Variants in MCTP2 observed in about 807,000 individuals in gnomAD.
MCTP2 encodes the protein multiple C2 and transmembrane domain-containing protein 2.
A neutral mutation model predicts 111.6 loss-of-function variants in MCTP2; 132 were observed. The observed-to-expected ratio is 1.18, with a 90% CI of 1.03 to 1.37. The LOEUF is 1.37. Ranked by LOEUF, MCTP2 falls within the 40% of genes most tolerant of loss-of-function variation. The pLI, the probability that MCTP2 is intolerant of heterozygous loss-of-function variation, is 0.00. For missense variants in MCTP2, 1,183 were observed against 1,067.9 expected, an observed-to-expected ratio of 1.11 and a Z score of -1.50; for synonymous variants, 395 against 387.7, an observed-to-expected ratio of 1.02 and a Z score of -0.22.
rs117992995 is a variant in MCTP2 at position 94,458,258 on chromosome 15, A to G, written c.2360+12A>G. On this transcript the variant is annotated intron_variant, in intron 20 of 22. Transcript: ENST00000357742. ...GAAAGGATTAAGAAGTAAGTTCTAA[A>G]TTTGTGTTGTGGTGTTTGCAGTAGA... 19,118 of 1,535,070 alleles carry G rather than the reference A, an allele frequency of 0.012. 142 individuals are homozygous for G. The highest frequency in any genetic ancestry group is 0.019 in the Middle Eastern group (111 of 5,906).
Position 94,320,342 on chromosome 15 carries a change from C to T in MCTP2, c.637+4705C>T, listed in dbSNP as rs571756703. The stretch of plus-strand genomic sequence containing the variant: ...ATTTTTAGTAGAGACAGGGTTTCAC[C>T]GTGTTAGCCAGGATGGTCTCGATCT... On this transcript the variant is annotated intron_variant, in intron 4 of 22. Coordinates refer to ENST00000357742, the MANE Select transcript of MCTP2 (RefSeq NM_001385001.1). 6.6e-5 allele frequency among the ~76,000 whole-genome samples: 10 copies of T among 151,980 alleles called. No individual in the cohort carries two copies. In the South Asian group the frequency reaches 8.3e-4, roughly 13 times the overall value.
intron 1 of MCTP2, among the ~76,000 whole-genome samples, chr15:94,254,998 G>A (rs940442769): frequency 6.6e-6 from 1 of 152,192 alleles, no homozygotes; most frequent in African/African-American, 2.4e-5. Flanking sequence ...GTCAATGAAT[G>A]TGACACAGGG....
intron 10 of MCTP2, among the ~76,000 whole-genome samples, chr15:94,363,061 A>G (rs1175185922): frequency 6.6e-6 from 1 of 152,202 alleles, no homozygotes; most frequent in Non-Finnish European, 1.5e-5. Context: ...TTTCCTACAT[A>G]GGGGAAGAAA....
At chr15:94,275,207 A>T (rs890098840) in intron 1 of MCTP2, among the ~76,000 whole-genome samples, 3 of 152,204 alleles carry the variant, frequency 2.0e-5, no homozygotes, top group African/African-American at 7.2e-5. Context: ...TAATTAAATG[A>T]TGAAATTTTT....
intron 4 of MCTP2, among the ~76,000 whole-genome samples, chr15:94,328,452 C>T (rs899186756): frequency 2.0e-5 from 3 of 152,200 alleles, no homozygotes; most frequent in African/African-American, 4.8e-5. Flanking sequence ...TTCTATACCA[C>T]GATGATACTT....
intron 22 of MCTP2, among the ~76,000 whole-genome samples, chr15:94,478,168 TTGGGTCGCAG>T (rs2074515510): frequency 6.6e-6 from 1 of 152,222 alleles, no homozygotes; most frequent in South Asian, 2.1e-4. Context: ...GTACCATCAC[TTGGGTCGCAG>T]TGTGAGTTCA....
At chr15:94,464,336 G>C (rs921614045) in intron 20 of MCTP2, among the ~76,000 whole-genome samples, 2 of 34,036 alleles carry the variant, frequency 5.9e-5, no homozygotes, top group African/African-American at 1.5e-4. Flanking sequence ...AATTTTCAAA[G>C]AGTTTGTCCC....
intron 12 of MCTP2, among the ~76,000 whole-genome samples, chr15:94,383,586 C>T (rs1188865026): frequency 2.6e-5 from 4 of 152,198 alleles, no homozygotes; most frequent in East Asian, 3.9e-4. Context: ...TCTTACACGG[C>T]ATCAGGCAAA....
At chr15:94,453,838 C>A (rs147654756) in intron 19 of MCTP2, among the ~76,000 whole-genome samples, 4 of 152,104 alleles carry the variant, frequency 2.6e-5, no homozygotes, top group African/African-American at 9.7e-5. Flanking sequence ...GCCAAAGAAG[C>A]CTCAACAGCT....
chr15:94,430,489 TGGGA>T, intron 17 of MCTP2, among the ~76,000 whole-genome samples: 1 of 134,002 alleles, frequency 7.5e-6, no homozygotes, highest in East Asian at 2.2e-4. Context: ...CCTAGCACAT[TGGGA>T]GGGTGAGGTG....
intron 17 of MCTP2, among the ~76,000 whole-genome samples, chr15:94,406,746 C>T (rs114673421): frequency 0.014 from 2,125 of 152,180 alleles, 47 homozygotes; most frequent in African/African-American, 0.048. Context: ...TGTTTTTCCC[C>T]ACCTTTGAGG....
chr15:94,315,270 T>G (rs1302838122), intron 3 of MCTP2, among the ~76,000 whole-genome samples: 1 of 152,148 alleles, frequency 6.6e-6, no homozygotes, highest in Non-Finnish European at 1.5e-5. Flanking sequence ...AGGTTGGTTA[T>G]CTAATTCTTG....
At chr15:94,305,896 T>C (rs949350761) in intron 2 of MCTP2, among the ~76,000 whole-genome samples, 1 of 152,186 alleles carries the variant, frequency 6.6e-6, no homozygotes, top group African/African-American at 2.4e-5. Context: ...CTAGTTTTTT[T>C]CTCCTCATTT....
At chr15:94,320,036 A>AT (rs2076554382) in intron 4 of MCTP2, among the ~76,000 whole-genome samples, 1 of 151,930 alleles carries the variant, frequency 6.6e-6, no homozygotes, top group Non-Finnish European at 1.5e-5. Flanking sequence ...ATCTTATAAG[A>AT]TTTTACCTTT....
At chr15:94,395,820 A>G (rs1234568592) in intron 14 of MCTP2, among the ~76,000 whole-genome samples, 1 of 152,192 alleles carries the variant, frequency 6.6e-6, no homozygotes, top group Non-Finnish European at 1.5e-5. Context: ...TCTGGTTCCA[A>G]AGTCCTGAAT....
At chr15:94,371,404 TG>T (rs2079477755) in intron 12 of MCTP2, among the ~76,000 whole-genome samples, 1 of 152,240 alleles carries the variant, frequency 6.6e-6, no homozygotes, top group East Asian at 1.9e-4. Flanking sequence ...TTGACATTAG[TG>T]GTTCTGTCAT....
chr15:94,261,986 T>C (rs1475638041), intron 1 of MCTP2, among the ~76,000 whole-genome samples: 1 of 152,224 alleles, frequency 6.6e-6, no homozygotes, highest in Non-Finnish European at 1.5e-5. Flanking sequence ...TTGCAATTAA[T>C]CTAATTAGAC....
At chr15:94,435,670 C>T (rs1321125256) in intron 17 of MCTP2, among the ~76,000 whole-genome samples, 6 of 113,080 alleles carry the variant, frequency 5.3e-5, no homozygotes, top group South Asian at 3.2e-4. Context: ...CTCGCTCTGT[C>T]GCCCAGGCTG....
At chr15:94,349,331 G>A (rs1174571415) in intron 8 of MCTP2, among the ~76,000 whole-genome samples, 1 of 152,144 alleles carries the variant, frequency 6.6e-6, no homozygotes, top group Non-Finnish European at 1.5e-5. Flanking sequence ...TCCTCTCAGT[G>A]ATGTTTGACT....
Sources: gnomAD v4.1 joint callset for allele counts (sites outside exome capture counted in the v4.1 genomes callset) on GRCh38, gnomAD v4.1.1 for gene constraint, MANE v1.5 for transcripts, NCBI Gene and HGNC (gene_info 2026-07-23, HGNC 2026-07-21) for gene names.